The following EDIL3 variants were observed in gnomAD, a reference collection of about 807,000 sequenced individuals.
EDIL3 encodes EGF-like repeat and discoidin I-like domain-containing protein 3.
A neutral mutation model predicts 67.4 loss-of-function variants in EDIL3; 37 were observed. That is an observed-to-expected ratio of 0.55 (90% CI 0.42 to 0.72). EDIL3 has a LOEUF of 0.72. Among genes scored for constraint, EDIL3 ranks in the 30% least tolerant of loss-of-function variants. EDIL3 has a pLI of 0.00. For synonymous variants in EDIL3, 195 were observed against 196.3 expected (o/e 0.99, Z 0.05); for missense variants, 527 against 586.3 (o/e 0.90, Z 1.04).
chr5:84,274,635 T>C (rs1745537763), intron 1 of EDIL3, among the ~76,000 whole-genome samples: 1 of 152,224 alleles, frequency 6.6e-6, no homozygotes, highest in East Asian at 1.9e-4. Context: ...ATTTTTTTAA[T>C]GTTAGTTTTT....
intron 2 of EDIL3, among the ~76,000 whole-genome samples, chr5:84,243,418 A>C (rs1289438069): frequency 6.6e-6 from 1 of 152,230 alleles, no homozygotes; most frequent in Non-Finnish European, 1.5e-5. Context: ...AGCCAAAGTC[A>C]TTGGTTAAAA....
At chr5:84,106,883 A>G (rs1258523231) in intron 5 of EDIL3, 53 bp from the exon 6 acceptor site, 1 of 1,502,660 alleles carries the variant, frequency 6.7e-7, no homozygotes, top group East Asian at 2.3e-5. Flanking sequence ...ATGCATATAC[A>G]ACATGTGTCT....
chr5:83,981,584 A>G (rs1744970787), intron 9 of EDIL3, among the ~76,000 whole-genome samples: 1 of 152,038 alleles, frequency 6.6e-6, no homozygotes, highest in African/African-American at 2.4e-5. Context: ...CTGACACTAT[A>G]TATTTAGTTT....
chr5:84,017,549 T>C (rs1167710850), intron 9 of EDIL3, among the ~76,000 whole-genome samples: 8 of 152,194 alleles, frequency 5.3e-5, no homozygotes, highest in Non-Finnish European at 1.5e-5. Context: ...ACTGTAAGAA[T>C]AGAAACACAA....
chr5:84,097,404 T>G (rs1747283400), intron 6 of EDIL3, among the ~76,000 whole-genome samples: 1 of 152,228 alleles, frequency 6.6e-6, no homozygotes, highest in Non-Finnish European at 1.5e-5. Flanking sequence ...AATGGAAATT[T>G]CTTTCCTTGT....
At chr5:84,238,663 A>ATTTTTTTTT (rs371255305) in intron 2 of EDIL3, among the ~76,000 whole-genome samples, 1 of 26,690 alleles carries the variant, frequency 3.7e-5, no homozygotes, top group Non-Finnish European at 6.6e-5. Flanking sequence ...CTAAAATTAA[A>ATTTTTTTTT]TGTTTTTTTT....
intron 10 of EDIL3, among the ~76,000 whole-genome samples, chr5:83,959,418 C>T (rs1744569863): frequency 6.6e-6 from 1 of 150,726 alleles, no homozygotes; most frequent in African/African-American, 2.4e-5. Flanking sequence ...GACTTCCACA[C>T]CCACCCTCCA....
intron 5 of EDIL3, among the ~76,000 whole-genome samples, chr5:84,119,541 T>C (rs181181492): frequency 7.8e-4 from 118 of 152,110 alleles, no homozygotes; most frequent in Non-Finnish European, 1.5e-3. Flanking sequence ...TCACTGGAAA[T>C]AAAAATTACT....
At chr5:84,308,039 CA>C (rs1490100967) in intron 1 of EDIL3, among the ~76,000 whole-genome samples, 1 of 151,804 alleles carries the variant, frequency 6.6e-6, no homozygotes, top group African/African-American at 2.4e-5. Context: ...TAATTCTGCC[CA>C]ACAGTATAAA....
chr5:84,376,367 T>G (rs530857976), intron 1 of EDIL3, among the ~76,000 whole-genome samples: 1 of 152,288 alleles, frequency 6.6e-6, no homozygotes, highest in Admixed American at 6.5e-5. Flanking sequence ...AAATGATGCC[T>G]GAAAAATTAC....
chr5:83,970,338 T>A (rs1212201534), intron 9 of EDIL3, among the ~76,000 whole-genome samples: 1 of 147,580 alleles, frequency 6.8e-6, no homozygotes, highest in East Asian at 2.0e-4. Flanking sequence ...TCCTGCTGAT[T>A]TTTAAGAATT....
At chr5:84,262,221 T>A (rs1403137688) in intron 1 of EDIL3, among the ~76,000 whole-genome samples, 1 of 152,112 alleles carries the variant, frequency 6.6e-6, no homozygotes, top group Non-Finnish European at 1.5e-5. Context: ...TCATGCCCAG[T>A]CCAGTTAAAT....
At chr5:84,299,386 T>G (rs1354706982) in intron 1 of EDIL3, among the ~76,000 whole-genome samples, 1 of 152,210 alleles carries the variant, frequency 6.6e-6, no homozygotes, top group Non-Finnish European at 1.5e-5. Context: ...TGAAGATATA[T>G]GTAACCAATT....
chr5:84,362,637 T>C (rs574026237), intron 1 of EDIL3, among the ~76,000 whole-genome samples: 1 of 152,322 alleles, frequency 6.6e-6, no homozygotes, highest in African/African-American at 2.4e-5. Context: ...TTGTGCATAG[T>C]AATTGACTGC....
rs535623228 is a variant in EDIL3 at position 84,157,137 on chromosome 5, CAA to C, written c.356-19785_356-19784del. 3.9e-5 allele frequency among the ~76,000 whole-genome samples: 6 copies of C among 151,948 alleles called. No homozygotes were observed. In the South Asian group the frequency reaches 1.2e-3, roughly 32 times the overall value. On this transcript the variant is annotated intron_variant, in intron 4 of 10. Coordinates refer to ENST00000296591, the MANE Select transcript of EDIL3 (RefSeq NM_005711.5). ...TACCATTTTTTTCTATTAAAAATGT[CAA>C]GAGTAATTGATAAGAATCTCTATAC...
intron 1 of EDIL3, among the ~76,000 whole-genome samples, chr5:84,300,671 A>G (rs1272872929): frequency 6.6e-6 from 1 of 152,230 alleles, no homozygotes; most frequent in Non-Finnish European, 1.5e-5. Context: ...TTCATCCTTA[A>G]GAAATATTTG....
intron 9 of EDIL3, among the ~76,000 whole-genome samples, chr5:84,044,029 G>C (rs993825681): frequency 1.3e-5 from 2 of 152,058 alleles, no homozygotes; most frequent in Non-Finnish European, 2.9e-5. Context: ...ACATGTGTTA[G>C]GTATTTGTCC....
chr5:84,383,132 C>A (rs928622003), intron 1 of EDIL3, among the ~76,000 whole-genome samples: 3 of 152,212 alleles, frequency 2.0e-5, no homozygotes, highest in African/African-American at 7.2e-5. Context: ...GCATTTAAAA[C>A]CCTGTAGTTC....
intron 9 of EDIL3, among the ~76,000 whole-genome samples, chr5:84,032,360 T>G (rs2112204021): frequency 6.6e-6 from 1 of 152,316 alleles, no homozygotes; most frequent in East Asian, 1.9e-4. Flanking sequence ...ATAGAACTAT[T>G]AAATCTTATT....
Sources: allele counts gnomAD v4.1 joint callset (sites outside exome capture counted in the v4.1 genomes callset), GRCh38; gene constraint gnomAD v4.1.1; transcripts MANE v1.5; gene names NCBI Gene and HGNC (gene_info 2026-07-23, HGNC 2026-07-21).